The following PTPRE variants were observed in gnomAD, a reference collection of about 807,000 sequenced individuals.
The protein encoded by PTPRE is protein tyrosine phosphatase receptor type E, also known as receptor-type tyrosine-protein phosphatase epsilon.
In PTPRE, 51 loss-of-function variants were observed where a neutral mutation model predicts 102.0. That is an observed-to-expected ratio of 0.50 (90% CI 0.40 to 0.63). The LOEUF (loss-of-function observed/expected upper bound fraction) is 0.63, where lower values mean the gene tolerates loss of function less well. Among genes scored for constraint, PTPRE ranks in the 30% least tolerant of loss-of-function variants. The probability of loss-of-function intolerance (pLI) is 0.00; values close to 1 mark genes in which losing one functional copy is unlikely to be tolerated. For missense variants in PTPRE, 752 were observed against 915.1 expected (o/e 0.82, Z 2.30); for synonymous variants, 345 against 348.2 (o/e 0.99, Z 0.10).
intron 1 of PTPRE, among the ~76,000 whole-genome samples, chr10:127,969,903 T>TG (rs148382342): frequency 0.058 from 8,832 of 152,180 alleles, 503 homozygotes; most frequent in African/African-American, 0.14. Context: ...CTCAGGCTGC[T>TG]GGCCATGGGG....
intron 1 of PTPRE, among the ~76,000 whole-genome samples, chr10:127,952,552 G>A (rs1183107982): frequency 2.0e-5 from 3 of 152,140 alleles, no homozygotes; most frequent in Non-Finnish European, 2.9e-5. Flanking sequence ...ACAAAATGCA[G>A]CAAGACAACC....
At chr10:127,925,275 A>G (rs1243456467) in intron 1 of PTPRE, among the ~76,000 whole-genome samples, 14 of 152,194 alleles carry the variant, frequency 9.2e-5, no homozygotes, top group Non-Finnish European at 1.6e-4. Flanking sequence ...TGTCTTTAGG[A>G]CCTAGCCTGG....
At chr10:127,953,671 T>A (rs1849202416) in intron 1 of PTPRE, among the ~76,000 whole-genome samples, 1 of 152,190 alleles carries the variant, frequency 6.6e-6, no homozygotes, top group East Asian at 1.9e-4. Flanking sequence ...CTGCACCCCA[T>A]GGTCATTTGC....
At chr10:127,915,402 C>T (rs1018635618) in intron 1 of PTPRE, among the ~76,000 whole-genome samples, 1 of 152,210 alleles carries the variant, frequency 6.6e-6, no homozygotes, top group African/African-American at 2.4e-5. Flanking sequence ...GAACCAGTAA[C>T]CTCGTCCTTA....
At chr10:127,923,939 T>C (rs1846814013) in intron 1 of PTPRE, among the ~76,000 whole-genome samples, 1 of 151,794 alleles carries the variant, frequency 6.6e-6, no homozygotes, top group Non-Finnish European at 1.5e-5. Context: ...TTTTAGGGAG[T>C]GATGTTCCCA....
chr10:127,991,590 A>T (rs180807765), intron 2 of PTPRE, among the ~76,000 whole-genome samples: 1 of 152,230 alleles, frequency 6.6e-6, no homozygotes, highest in African/African-American at 2.4e-5. Context: ...ATTTCTTTCT[A>T]TAAAAATATT....
intron 2 of PTPRE, among the ~76,000 whole-genome samples, chr10:128,012,263 C>T (rs1326493418): frequency 2.0e-5 from 3 of 152,200 alleles, no homozygotes; most frequent in African/African-American, 7.2e-5. Flanking sequence ...ATGCAACTCA[C>T]CTTTGCAACT....
intron 2 of PTPRE, among the ~76,000 whole-genome samples, chr10:127,993,944 G>A (rs2135520881): frequency 6.6e-6 from 1 of 152,268 alleles, no homozygotes. Context: ...GGCAGGAAGT[G>A]GACAGTCAAG....
chr10:127,980,553 G>A (rs1851529395), intron 1 of PTPRE, among the ~76,000 whole-genome samples: 1 of 152,044 alleles, frequency 6.6e-6, no homozygotes, highest in South Asian at 2.1e-4. Flanking sequence ...TGTTAAATAG[G>A]AGTGGGACAA....
Position 128,082,987 on chromosome 10 carries a change from A to G in PTPRE, c.*81A>G, listed in dbSNP as rs1270355071. 1 of 1,297,054 alleles carries G rather than the reference A, an allele frequency of 7.7e-7. No individual in the cohort carries two copies. The highest frequency in any genetic ancestry group is 1.6e-5 in the South Asian group (1 of 61,550). 80.3% of individuals were successfully genotyped at this position (1,297,054 alleles called of 1,614,324 possible). ...CATGTTAATTTATTTCATAGTTGAC[A>G]TTAATATCTTCCCTAATTTCTTTGT... On this transcript the variant is annotated 3_prime_UTR_variant, in exon 21 of 21. Transcript: ENST00000254667.
intron 2 of PTPRE, among the ~76,000 whole-genome samples, chr10:128,021,392 G>GC (rs1400003180): frequency 6.6e-6 from 1 of 152,176 alleles, no homozygotes; most frequent in Non-Finnish European, 1.5e-5. Context: ...TGAGCAAACC[G>GC]CCCCCCTCCC....
At chr10:127,909,095 T>C (rs1230484357) in intron 1 of PTPRE, among the ~76,000 whole-genome samples, 1 of 152,182 alleles carries the variant, frequency 6.6e-6, no homozygotes, top group Non-Finnish European at 1.5e-5. Flanking sequence ...CAGAGAGAGA[T>C]GCGCTCCCTG....
In PTPRE at chr10:128,049,571, C is replaced by T. The variant is rs763484663; in HGVS notation, c.325C>T (p.Pro109Ser). The T allele has an allele frequency of 1.2e-6, 2 of 1,613,934 alleles. No homozygotes were observed. Among genetic ancestry groups the T allele is most frequent in the African/African-American group, 2.7e-5 (2 of 74,992 alleles). The stretch of plus-strand genomic sequence containing the variant: ...GCTGCTCAGCAGGTCACCCTCAGGG[C>T]CCAAGAAGTATTTTCCCATCCCCGT... ...VMLLSRSPSGPKKYFPIPVEH... is the reference protein window; with the variant it reads ...VMLLSRSPSGSKKYFPIPVEH... Residue 109 changes from proline (P) to serine (S), a missense_variant, in exon 6 of 21, where the codon CCC becomes TCC. Transcript: ENST00000254667.
rs1447180353 is a variant in PTPRE, at chr10:128,083,885, ATTAAACT to A, written c.*985_*991del. ...AGAAACAGTAGAATAACCACGGGCAATTAAACTTTAAATTTTCTGAGCAGCATTTTGG... is the reference window on the plus strand; with the variant it reads ...AGAAACAGTAGAATAACCACGGGCAATTAAATTTTCTGAGCAGCATTTTGG... On this transcript the variant is annotated 3_prime_UTR_variant, in exon 21 of 21. Coordinates refer to ENST00000254667, the MANE Select transcript of PTPRE (RefSeq NM_006504.6). The A allele has an allele frequency of 6.6e-6, 1 of 152,258 alleles. No individual in the cohort carries two copies. The highest frequency in any genetic ancestry group is 1.5e-5 in the Non-Finnish European group (1 of 68,046). 9.4% of individuals were successfully genotyped at this position (152,258 alleles called of 1,614,324 possible). A position where few individuals can be genotyped will look rare whatever the true frequency, so the allele number is the denominator to read the frequency against.
intron 15 of PTPRE, chr10:128,071,113 T>G: frequency 1.7e-6 from 1 of 579,004 alleles, no homozygotes; most frequent in Non-Finnish European, 3.1e-6. Flanking sequence ...CAGTCCTGCA[T>G]GGGTCTCAGG....
intron 1 of PTPRE, among the ~76,000 whole-genome samples, chr10:127,932,268 A>T (rs1847502342): frequency 6.6e-6 from 1 of 152,246 alleles, no homozygotes; most frequent in African/African-American, 2.4e-5. Context: ...GAACTCTGCC[A>T]TGTGTTAATT....
rs1458556232 is a variant in PTPRE, at chr10:127,907,685, G to A, written c.-31+376G>A. Among the ~76,000 whole-genome samples the A allele has an allele frequency of 6.6e-6, 1 of 152,182 alleles. No individual in the cohort carries two copies. The highest frequency in any genetic ancestry group is 1.9e-4 in the East Asian group (1 of 5,176). On this transcript the variant is annotated intron_variant, in intron 1 of 20. Coordinates refer to ENST00000254667, the MANE Select transcript of PTPRE (RefSeq NM_006504.6). This position sits in a 1 kb window ranked among gnomAD's most constrained non-coding sequence, Gnocchi z 4.8. ...TGAAAGCGGGCGACACAGAGAGGGG[G>A]TGCAGGCCGCGCGTGGGGGGCTGCG... is the stretch of plus-strand genomic sequence containing the variant.
chr10:127,974,959 G>C (rs1412488777), intron 1 of PTPRE, among the ~76,000 whole-genome samples: 1 of 152,118 alleles, frequency 6.6e-6, no homozygotes, highest in Admixed American at 6.5e-5. Flanking sequence ...ACTGTACTGT[G>C]TTGTTGTAGA....
At chr10:127,992,192 G>C (rs1241463856) in intron 2 of PTPRE, among the ~76,000 whole-genome samples, 1 of 152,166 alleles carries the variant, frequency 6.6e-6, no homozygotes, top group Non-Finnish European at 1.5e-5. Flanking sequence ...GCACTCAGGA[G>C]TTAGTCATGG....
Sources: allele counts gnomAD v4.1 joint callset (sites outside exome capture counted in the v4.1 genomes callset), GRCh38; gene constraint gnomAD v4.1.1; non-coding constraint Gnocchi (gnomAD v3.1); transcripts MANE v1.5; gene names NCBI Gene and HGNC (gene_info 2026-07-23, HGNC 2026-07-21).